Variants in FNDC3B observed in about 807,000 individuals in gnomAD.
FNDC3B encodes fibronectin type III domain-containing protein 3B.
A neutral mutation model predicts 151.5 loss-of-function variants in FNDC3B; 12 were observed. The ratio of observed to expected loss-of-function variants is 0.08; its 90% CI spans 0.05 to 0.13. FNDC3B has a LOEUF of 0.13. Ranked by LOEUF, FNDC3B falls within the 10% of genes least tolerant of loss-of-function variation. The pLI is 1.00. For missense variants in FNDC3B, 1,214 were observed against 1,505.3 expected, an observed-to-expected ratio of 0.81 and a Z score of 3.20; for synonymous variants, 528 against 549.0, an observed-to-expected ratio of 0.96 and a Z score of 0.54.
At chr3:172,051,476 GATCC>G (rs1716651474) in intron 1 of FNDC3B, among the ~76,000 whole-genome samples, 2 of 152,084 alleles carry the variant, frequency 1.3e-5, no homozygotes, top group African/African-American at 4.8e-5. Flanking sequence ...TGGGTAGCTG[GATCC>G]CTAGTTTGAA....
chr3:172,333,426 G>T (rs1310723836), intron 14 of FNDC3B, among the ~76,000 whole-genome samples: 1 of 150,786 alleles, frequency 6.6e-6, no homozygotes, highest in African/African-American at 2.4e-5. Context: ...GGTTTAAGCA[G>T]TTCTCCTGCC....
intron 25 of FNDC3B, among the ~76,000 whole-genome samples, chr3:172,394,099 C>T (rs1018504494): frequency 3.6e-5 from 1 of 27,860 alleles, no homozygotes; most frequent in African/African-American, 9.3e-5. Context: ...CAGAGTGAGA[C>T]TCCTTCTAAA....
intron 23 of FNDC3B, among the ~76,000 whole-genome samples, chr3:172,365,970 T>C (rs1734604660): frequency 6.6e-6 from 1 of 152,216 alleles, no homozygotes; most frequent in African/African-American, 2.4e-5. Flanking sequence ...TGATATCTTT[T>C]CACCTTAAGG....
At chr3:172,269,201 T>C (rs1008232205) in intron 6 of FNDC3B, among the ~76,000 whole-genome samples, 1 of 152,212 alleles carries the variant, frequency 6.6e-6, no homozygotes, top group Admixed American at 6.5e-5. Flanking sequence ...AATGTGCATA[T>C]TGTGATTCAC....
chr3:172,091,208 A>G (rs1446720464), intron 1 of FNDC3B, among the ~76,000 whole-genome samples: 6 of 152,264 alleles, frequency 3.9e-5, no homozygotes, highest in East Asian at 3.8e-4. Context: ...AGTAACTGTT[A>G]TAGATACAAG....
chr3:172,311,229 TAAA>T (rs1001647744), intron 11 of FNDC3B, among the ~76,000 whole-genome samples: 9 of 152,206 alleles, frequency 5.9e-5, no homozygotes, highest in African/African-American at 2.2e-4. Context: ...TTTGATAAGG[TAAA>T]ACACACTGCC....
chr3:172,067,993 C>T (rs915944894), intron 1 of FNDC3B, among the ~76,000 whole-genome samples: 1 of 152,182 alleles, frequency 6.6e-6, no homozygotes, highest in Admixed American at 6.5e-5. Flanking sequence ...TCTCTACTGC[C>T]TGTCATACCT....
rs563822797 is a variant in FNDC3B at position 172,118,759 on chromosome 3, TAAATG to T, written c.111+6174_111+6178del. Among the ~76,000 whole-genome samples, 13 of 152,148 alleles carry T rather than the reference TAAATG, an allele frequency of 8.5e-5. 1 individual carries two copies. Among genetic ancestry groups the T allele is most frequent in the Admixed American group, 4.6e-4 (7 of 15,270 alleles). ...GAAATGCACAACCTGTGCAAATACTTAAATGAAATTATTATTGCTGACTGCCGTTC... is the reference window on the plus strand; with the variant it reads ...GAAATGCACAACCTGTGCAAATACTTAAATTATTATTGCTGACTGCCGTTC... On this transcript the variant is annotated intron_variant, in intron 2 of 25. Coordinates refer to ENST00000415807, the MANE Select transcript of FNDC3B (RefSeq NM_022763.4).
At chr3:172,374,655 A>G (rs1735044469) in intron 23 of FNDC3B, among the ~76,000 whole-genome samples, 1 of 152,164 alleles carries the variant, frequency 6.6e-6, no homozygotes, top group African/African-American at 2.4e-5. Context: ...GGCCTCCCAA[A>G]ATGCTAGAAT....
intron 3 of FNDC3B, among the ~76,000 whole-genome samples, chr3:172,166,353 G>C (rs1723000967): frequency 6.6e-6 from 1 of 152,202 alleles, no homozygotes; most frequent in Non-Finnish European, 1.5e-5. Context: ...ATGAATGAGT[G>C]ATTATTCGCC....
intron 6 of FNDC3B, among the ~76,000 whole-genome samples, chr3:172,264,763 T>G (rs1728831166): frequency 6.6e-6 from 1 of 152,248 alleles, no homozygotes; most frequent in Non-Finnish European, 1.5e-5. Context: ...GCTGTCAACC[T>G]ATTTACTTTT....
At chr3:172,118,809 A>G (rs1445850925) in intron 2 of FNDC3B, among the ~76,000 whole-genome samples, 1 of 152,116 alleles carries the variant, frequency 6.6e-6, no homozygotes, top group African/African-American at 2.4e-5. Context: ...CTACCACTCA[A>G]ATTTATAAAG....
chr3:172,046,716 G>T (rs1716386697), intron 1 of FNDC3B, among the ~76,000 whole-genome samples: 1 of 152,146 alleles, frequency 6.6e-6, no homozygotes, highest in Admixed American at 6.5e-5. Flanking sequence ...ATGGTGTTGA[G>T]TCACAGTGTT....
intron 11 of FNDC3B, among the ~76,000 whole-genome samples, chr3:172,317,639 T>C (rs1319403629): frequency 2.0e-5 from 3 of 152,222 alleles, no homozygotes; most frequent in Non-Finnish European, 4.4e-5. Context: ...TACGTAAGAC[T>C]GAATGAGATA....
chr3:172,239,442 C>T (rs1018890016), intron 4 of FNDC3B, among the ~76,000 whole-genome samples: 2 of 152,306 alleles, frequency 1.3e-5, no homozygotes, highest in Middle Eastern at 3.4e-3. Context: ...TTCACAGACT[C>T]ATTTGGTCCC....
rs1434090344 is a variant in FNDC3B at position 172,069,365 on chromosome 3, T to C, written c.-29+29594T>C. ...TTTTATTTTCCTAAGCAAAATGTTTTGTAAAATGCTGCTTTTACGTGGCTA... is the reference window on the plus strand; with the variant it reads ...TTTTATTTTCCTAAGCAAAATGTTTCGTAAAATGCTGCTTTTACGTGGCTA... On this transcript the variant is annotated intron_variant, in intron 1 of 25. Coordinates refer to ENST00000415807, the MANE Select transcript of FNDC3B (RefSeq NM_022763.4). 2.0e-5 allele frequency among the ~76,000 whole-genome samples: 3 copies of C among 152,396 alleles called. No homozygotes were observed. The East Asian group carries it at 5.8e-4, about 29-fold the overall frequency.
At chr3:172,041,861 C>T (rs1716095691) in intron 1 of FNDC3B, among the ~76,000 whole-genome samples, 1 of 152,056 alleles carries the variant, frequency 6.6e-6, no homozygotes, top group African/African-American at 2.4e-5. Flanking sequence ...TCCCTGGGAG[C>T]AGCTGTTAAC....
At chr3:172,232,001 C>T (rs1463941260) in intron 4 of FNDC3B, among the ~76,000 whole-genome samples, 1 of 151,578 alleles carries the variant, frequency 6.6e-6, no homozygotes, top group Non-Finnish European at 1.5e-5. Flanking sequence ...GTGCCTCAGC[C>T]TCCCAAGGAG....
chr3:172,147,327 T>C (rs1002913886), intron 3 of FNDC3B, among the ~76,000 whole-genome samples: 5 of 137,710 alleles, frequency 3.6e-5, no homozygotes, highest in African/African-American at 1.1e-4. Context: ...AAAAAAAAAG[T>C]GAGGTGAGAA....
Sources: gnomAD v4.1 joint callset for allele counts (sites outside exome capture counted in the v4.1 genomes callset) on GRCh38, gnomAD v4.1.1 for gene constraint, MANE v1.5 for transcripts, NCBI Gene and HGNC (gene_info 2026-07-23, HGNC 2026-07-21) for gene names.